The following NALCN variants were observed in gnomAD, a reference collection of about 807,000 sequenced individuals.
The protein encoded by NALCN is sodium leak channel NALCN.
In NALCN, 111 loss-of-function variants were observed where a neutral mutation model predicts 225.3. The observed-to-expected ratio is 0.49, with a 90% CI of 0.42 to 0.58. NALCN has a LOEUF of 0.58. Among genes scored for constraint, NALCN ranks in the 20% least tolerant of loss-of-function variants. The probability of loss-of-function intolerance (pLI) is 0.00; values close to 1 mark genes in which losing one functional copy is unlikely to be tolerated. For missense variants in NALCN, 1,378 were observed against 2,202.4 expected, an observed-to-expected ratio of 0.63 and a Z score of 7.49; for synonymous variants, 764 against 769.0, an observed-to-expected ratio of 0.99 and a Z score of 0.11.
chr13:101,138,759 G>C (rs1255830830), intron 17 of NALCN, among the ~76,000 whole-genome samples: 3 of 152,150 alleles, frequency 2.0e-5, no homozygotes, highest in Admixed American at 6.5e-5. Flanking sequence ...TTTTATTACA[G>C]GGTTACTGGA....
intron 10 of NALCN, among the ~76,000 whole-genome samples, chr13:101,282,602 T>C (rs2043203879): frequency 6.6e-6 from 1 of 152,184 alleles, no homozygotes; most frequent in African/African-American, 2.4e-5. Context: ...TTAATAATAC[T>C]GTATTGTATA....
intron 15 of NALCN, among the ~76,000 whole-genome samples, chr13:101,146,404 C>T (rs2037346848): frequency 1.3e-5 from 2 of 152,098 alleles, no homozygotes; most frequent in African/African-American, 4.8e-5. Flanking sequence ...ATGATGATGA[C>T]AATGGTAAGG....
chr13:101,072,024 T>C (rs1370019808), intron 37 of NALCN, among the ~76,000 whole-genome samples: 2 of 152,106 alleles, frequency 1.3e-5, no homozygotes, highest in Admixed American at 6.5e-5. Flanking sequence ...TCAGAAGACA[T>C]ATGACATTTA....
intron 14 of NALCN, chr13:101,180,857 G>C: frequency 2.9e-6 from 1 of 348,910 alleles, no homozygotes. Flanking sequence ...CTCTCTCTCT[G>C]CATCTGTCTC....
chr13:101,337,304 A>G (rs1210726517), intron 7 of NALCN, among the ~76,000 whole-genome samples: 1 of 149,462 alleles, frequency 6.7e-6, no homozygotes, highest in Non-Finnish European at 1.5e-5. Context: ...TTATTTATTT[A>G]TTTATTTATT....
At chr13:101,400,803 C>T (rs1014018661) in intron 1 of NALCN, among the ~76,000 whole-genome samples, 3 of 151,948 alleles carry the variant, frequency 2.0e-5, no homozygotes, top group Non-Finnish European at 2.9e-5. Context: ...AATTATAATC[C>T]CCACAATCCC....
intron 17 of NALCN, among the ~76,000 whole-genome samples, chr13:101,125,469 A>G (rs1261433581): frequency 6.6e-6 from 1 of 152,196 alleles, no homozygotes; most frequent in Non-Finnish European, 1.5e-5. Flanking sequence ...GTTCATTTTG[A>G]TCAATAGATT....
chr13:101,147,712 A>T (rs899618814), intron 15 of NALCN, among the ~76,000 whole-genome samples: 5 of 151,928 alleles, frequency 3.3e-5, no homozygotes, highest in African/African-American at 1.2e-4. Flanking sequence ...TCAAAATCTC[A>T]ATCTTCAATC....
At chr13:101,313,361 A>G (rs1281875171) in intron 7 of NALCN, among the ~76,000 whole-genome samples, 2 of 152,226 alleles carry the variant, frequency 1.3e-5, no homozygotes, top group African/African-American at 4.8e-5. Context: ...GAGCTTCTGC[A>G]CAGCAAAAGA....
At chr13:101,269,821 T>G (rs751135166) in intron 10 of NALCN, among the ~76,000 whole-genome samples, 1 of 152,172 alleles carries the variant, frequency 6.6e-6, no homozygotes, top group Non-Finnish European at 1.5e-5. Context: ...CCTCTGATTC[T>G]GACATACACT....
At chr13:101,308,156 T>C (rs1304778569) in intron 7 of NALCN, among the ~76,000 whole-genome samples, 1 of 152,244 alleles carries the variant, frequency 6.6e-6, no homozygotes, top group East Asian at 1.9e-4. Context: ...ATATTTATAA[T>C]GGACTGGGCA....
At chr13:101,110,081 A>G (rs1438000305) in intron 20 of NALCN, among the ~76,000 whole-genome samples, 2 of 152,228 alleles carry the variant, frequency 1.3e-5, no homozygotes, top group Non-Finnish European at 2.9e-5. Flanking sequence ...AACAGAACCC[A>G]GCACAGAGCA....
intron 6 of NALCN, among the ~76,000 whole-genome samples, chr13:101,375,345 C>G (rs757939792): frequency 7.2e-5 from 11 of 152,022 alleles, no homozygotes; most frequent in Non-Finnish European, 1.2e-4. Flanking sequence ...GAGGAGTAAC[C>G]TAAATAATTT....
intron 13 of NALCN, among the ~76,000 whole-genome samples, chr13:101,211,045 T>C (rs965496551): frequency 5.3e-5 from 8 of 152,122 alleles, no homozygotes; most frequent in African/African-American, 1.9e-4. Flanking sequence ...CAGACACAAA[T>C]GTATGAACTG....
rs1173155788 is a variant in NALCN at position 101,055,477 on chromosome 13, T to C, written c.5035A>G (p.Ile1679Val). The change falls in exon 44 of 44, where the codon ATA becomes GTA. Residue 1679 changes from isoleucine to valine, a missense_variant. Coordinates refer to ENST00000251127, the MANE Select transcript of NALCN (RefSeq NM_052867.4). ...TTGACTGAGGACACTGAATGGCTTATTGGTTTTGGGGCTGTGGAATTAATG... is the reference window on the plus strand; with the variant it reads ...TTGACTGAGGACACTGAATGGCTTACTGGTTTTGGGGCTGTGGAATTAATG... ...QWRLPSAPKP[I>V]SHSVSSVNLR... 5.0e-6 allele frequency: 8 copies of C among 1,613,936 alleles called. No homozygotes were observed. Among genetic ancestry groups the C allele is most frequent in the Non-Finnish European group, 6.8e-6 (8 of 1,179,968 alleles).
chr13:101,170,352 G>A (rs1036105520), intron 15 of NALCN, among the ~76,000 whole-genome samples: 2 of 152,098 alleles, frequency 1.3e-5, no homozygotes, highest in Non-Finnish European at 2.9e-5. Context: ...CCACCTTTTT[G>A]TTCTATCTGG....
At chr13:101,321,830 C>A (rs1268585243) in intron 7 of NALCN, among the ~76,000 whole-genome samples, 7 of 152,024 alleles carry the variant, frequency 4.6e-5, no homozygotes, top group Non-Finnish European at 1.0e-4. Context: ...ACATTAAACT[C>A]ATAATAATGT....
intron 28 of NALCN, among the ~76,000 whole-genome samples, chr13:101,091,570 A>AT (rs75152616): frequency 2.6e-5 from 4 of 151,906 alleles, no homozygotes; most frequent in Admixed American, 1.3e-4. Flanking sequence ...TCTGCTTTAT[A>AT]TTTTTTTATG....
At chr13:101,072,100 A>G (rs1211273818) in intron 37 of NALCN, among the ~76,000 whole-genome samples, 2 of 152,226 alleles carry the variant, frequency 1.3e-5, no homozygotes, top group Non-Finnish European at 2.9e-5. Context: ...TACAAAAGAA[A>G]CATCAAAAGA....
Sources: gnomAD v4.1 joint callset for allele counts (sites outside exome capture counted in the v4.1 genomes callset) on GRCh38, gnomAD v4.1.1 for gene constraint, MANE v1.5 for transcripts, NCBI Gene and HGNC (gene_info 2026-07-23, HGNC 2026-07-21) for gene names.